SMYD3: variants seen among roughly 807,000 people sequenced by gnomAD.
SMYD3 encodes SET and MYND domain containing 3, also known as histone-lysine N-methyltransferase SMYD3.
In SMYD3, 36 loss-of-function variants were observed where a neutral mutation model predicts 57.7. The ratio of observed to expected loss-of-function variants is 0.62; its 90% CI spans 0.48 to 0.82. The LOEUF is 0.82. Among genes scored for constraint, SMYD3 ranks in the 40% least tolerant of loss-of-function variants. SMYD3 has a pLI of 0.00. For synonymous variants in SMYD3, 211 were observed against 195.0 expected (o/e 1.08, Z -0.68); for missense variants, 515 against 538.8 (o/e 0.96, Z 0.44).
chr1:246,218,773 T>C (rs2063207032), intron 5 of SMYD3, among the ~76,000 whole-genome samples: 1 of 152,206 alleles, frequency 6.6e-6, no homozygotes, highest in Non-Finnish European at 1.5e-5. Flanking sequence ...GCAATAATAC[T>C]CACGGGTATC....
chr1:246,232,368 G>C (rs943164787), intron 5 of SMYD3, among the ~76,000 whole-genome samples: 2 of 152,210 alleles, frequency 1.3e-5, no homozygotes, highest in Non-Finnish European at 2.9e-5. Flanking sequence ...GATGCAGTGT[G>C]AATTTCAATG....
chr1:246,085,542 C>G (rs1459864317), intron 5 of SMYD3, among the ~76,000 whole-genome samples: 1 of 152,166 alleles, frequency 6.6e-6, no homozygotes, highest in Non-Finnish European at 1.5e-5. Flanking sequence ...GCATCCTTAT[C>G]TCCAAACATG....
intron 1 of SMYD3, among the ~76,000 whole-genome samples, chr1:246,454,998 G>C (rs1246115997): frequency 6.6e-6 from 1 of 152,176 alleles, no homozygotes; most frequent in Non-Finnish European, 1.5e-5. Flanking sequence ...ATTTATAACT[G>C]AAGATGTAGG....
intron 1 of SMYD3, among the ~76,000 whole-genome samples, chr1:246,369,888 CA>C (rs2066165879): frequency 9.4e-6 from 1 of 106,308 alleles, no homozygotes; most frequent in African/African-American, 3.0e-5. Flanking sequence ...ATTTCTAACA[CA>C]AAGTATAAAA....
chr1:246,332,781 C>T, intron 3 of SMYD3, among the ~76,000 whole-genome samples: 1 of 152,220 alleles, frequency 6.6e-6, no homozygotes. Context: ...GCACCCCAGC[C>T]TGGGTGACAA....
At chr1:246,401,494 G>T (rs2066767856) in intron 1 of SMYD3, among the ~76,000 whole-genome samples, 1 of 151,870 alleles carries the variant, frequency 6.6e-6, no homozygotes, top group South Asian at 2.1e-4. Flanking sequence ...CACCACACCT[G>T]GCTAATTTTT....
chr1:246,133,998 A>G (rs1013751900), intron 5 of SMYD3, among the ~76,000 whole-genome samples: 3 of 152,156 alleles, frequency 2.0e-5, no homozygotes, highest in African/African-American at 7.2e-5. Flanking sequence ...AGTGCATTGT[A>G]TCTGGACCAG....
Position 246,180,906 on chromosome 1 carries a change from G to GT in SMYD3, c.531+146294dup, listed in dbSNP as rs555695563. On this transcript the variant is annotated intron_variant, in intron 5 of 11. Coordinates refer to ENST00000490107, the MANE Select transcript of SMYD3 (RefSeq NM_001167740.2). ...AACTGACAGAAACAGAGAAAGAGGC[G>GT]TAAGGAGCCATAAAGAGATGTGACG... is the stretch of plus-strand genomic sequence containing the variant. 1.2e-3 allele frequency among the ~76,000 whole-genome samples: 181 copies of GT among 151,494 alleles called. 1 individual carries two copies. The highest frequency in any genetic ancestry group is 4.1e-3 in the African/African-American group (168 of 41,258).
chr1:245,849,558 G>C (rs1367272720), intron 10 of SMYD3, among the ~76,000 whole-genome samples: 1 of 152,050 alleles, frequency 6.6e-6, no homozygotes, highest in Non-Finnish European at 1.5e-5. Context: ...CAGAACTTGG[G>C]CCTCTCTAAG....
chr1:246,164,676 G>C (rs2062176270), intron 5 of SMYD3, among the ~76,000 whole-genome samples: 1 of 152,188 alleles, frequency 6.6e-6, no homozygotes, highest in Non-Finnish European at 1.5e-5. Context: ...GCTCATACTG[G>C]ATACGTGTGC....
At position 246,412,263 on chromosome 1, in the gene SMYD3, T is replaced by C. The variant is rs368756918; in HGVS notation, c.165-57169A>G. The stretch of plus-strand genomic sequence containing the variant: ...TCCTGGTGTTGCCGATGCTAATCAA[T>C]GACTGAACACAGGACTGCTGTCTCT... On this transcript the variant is annotated intron_variant, in intron 1 of 11. Transcript: ENST00000490107. Among the ~76,000 whole-genome samples the C allele has an allele frequency of 9.8e-4, 150 of 152,348 alleles. 2 individuals are homozygous for C. In the South Asian group the frequency reaches 0.03, roughly 31 times the overall value.
intron 5 of SMYD3, among the ~76,000 whole-genome samples, chr1:246,284,255 C>T (rs573948787): frequency 2.6e-5 from 4 of 152,216 alleles, no homozygotes; most frequent in South Asian, 2.1e-4. Flanking sequence ...GTGTTGCAAA[C>T]GCAGAACAAA....
chr1:246,401,327 T>C (rs1484525570), intron 1 of SMYD3, among the ~76,000 whole-genome samples: 5 of 151,642 alleles, frequency 3.3e-5, no homozygotes, highest in African/African-American at 1.2e-4. Flanking sequence ...CAAGACCCCA[T>C]CTCTATTTAA....
intron 8 of SMYD3, among the ~76,000 whole-genome samples, chr1:245,881,668 C>T (rs1415110652): frequency 1.3e-5 from 2 of 152,112 alleles, no homozygotes; most frequent in Non-Finnish European, 2.9e-5. Context: ...TAAGCAAATA[C>T]ACAGCAAATA....
intron 5 of SMYD3, among the ~76,000 whole-genome samples, chr1:246,312,831 TAA>T (rs918820479): frequency 6.6e-6 from 1 of 152,202 alleles, no homozygotes; most frequent in African/African-American, 2.4e-5. Flanking sequence ...ATGAGCAGGT[TAA>T]AAGACTTCCG....
intron 5 of SMYD3, among the ~76,000 whole-genome samples, chr1:245,951,575 A>C (rs1348610246): frequency 2.0e-5 from 3 of 149,532 alleles, no homozygotes; most frequent in Admixed American, 2.0e-4. Context: ...TCTCAAAAAA[A>C]AAAAAAAACA....
Position 245,765,048 on chromosome 1 carries a change from A to G in SMYD3, c.1077-899T>C, listed in dbSNP as rs922311454. ...AATTGTCTCTGGTGGAAATGCCTAC[A>G]CACACACACACACACACACACACAC... On this transcript the variant is annotated intron_variant, in intron 10 of 11. Coordinates refer to ENST00000490107, the MANE Select transcript of SMYD3 (RefSeq NM_001167740.2). Among the ~76,000 whole-genome samples the G allele has an allele frequency of 9.9e-5, 10 of 101,294 alleles. 1 individual carries two copies. The highest frequency in any genetic ancestry group is 2.8e-4 in the Admixed American group (3 of 10,800). 66.5% of individuals were successfully genotyped at this position (101,294 alleles called of 152,430 possible).
intron 5 of SMYD3, among the ~76,000 whole-genome samples, chr1:246,273,305 G>A (rs1394909574): frequency 3.9e-4 from 58 of 149,116 alleles, no homozygotes; most frequent in South Asian, 2.1e-4. Context: ...GCCCGCCACC[G>A]TGCCCAGCTA....
chr1:246,199,844 T>C (rs1485594999), intron 5 of SMYD3, among the ~76,000 whole-genome samples: 2 of 152,236 alleles, frequency 1.3e-5, no homozygotes, highest in African/African-American at 4.8e-5. Context: ...GAGAACAGCG[T>C]AGATGCTGAA....
Sources: allele counts gnomAD v4.1 joint callset (sites outside exome capture counted in the v4.1 genomes callset), GRCh38; gene constraint gnomAD v4.1.1; transcripts MANE v1.5; gene names NCBI Gene and HGNC (gene_info 2026-07-23, HGNC 2026-07-21).